The following DDC variants were observed in gnomAD, a reference collection of about 807,000 sequenced individuals.
DDC encodes the protein aromatic-L-amino-acid decarboxylase.
A neutral mutation model predicts 60.0 loss-of-function variants in DDC; 43 were observed. The ratio of observed to expected loss-of-function variants is 0.72; its 90% CI spans 0.56 to 0.92. The LOEUF (loss-of-function observed/expected upper bound fraction) is 0.92. DDC is among the 40% of genes least tolerant of loss of function. DDC has a pLI of 0.00. For missense variants in DDC, 573 were observed against 620.2 expected (o/e 0.92, Z 0.81); for synonymous variants, 232 against 234.6 (o/e 0.99, Z 0.10).
intron 9 of DDC, among the ~76,000 whole-genome samples, chr7:50,488,189 TA>T (rs1414485726): frequency 6.6e-6 from 1 of 151,902 alleles, no homozygotes; most frequent in Non-Finnish European, 1.5e-5. Flanking sequence ...AAATGCTTGT[TA>T]AAAAACGACA....
intron 1 of DDC, among the ~76,000 whole-genome samples, chr7:50,564,835 T>C (rs995174104): frequency 2.0e-5 from 3 of 152,136 alleles, no homozygotes; most frequent in African/African-American, 4.8e-5. Flanking sequence ...TCAGATGTTA[T>C]AAAGGGAAGG....
At position 50,513,491 on chromosome 7, in the gene DDC, G is replaced by T. The variant is rs1431970628; in HGVS notation, c.715-9432C>A. 3.3e-5 allele frequency among the ~76,000 whole-genome samples: 5 copies of T among 152,306 alleles called. No homozygotes were observed. In the East Asian group the frequency reaches 9.7e-4, roughly 29 times the overall value. On this transcript the variant is annotated intron_variant, in intron 6 of 14. Coordinates refer to ENST00000444124, the MANE Select transcript of DDC (RefSeq NM_001082971.2). ...AGAAGCCTCCTGGCCAGAACTCGGG[G>T]ACGGTGCAAATCCGGTGTGCAGGCT...
chr7:50,525,975 T>C (rs1397087154), intron 6 of DDC, among the ~76,000 whole-genome samples: 3 of 150,874 alleles, frequency 2.0e-5, no homozygotes, highest in Non-Finnish European at 2.9e-5. Context: ...AACATATACA[T>C]AATCAGAGTC....
In DDC at chr7:50,499,127, G is replaced by A. The variant is rs2043189241; in HGVS notation, c.876+21C>T. ...AGAGCACTGTGAAAACAGCCTTAGG[G>A]AGAGCGAAGGGTGCACCTACCTCCA... On this transcript the variant is annotated intron_variant, in intron 8 of 14. Coordinates refer to ENST00000444124, the MANE Select transcript of DDC (RefSeq NM_001082971.2). 8 of 1,583,868 alleles carry A rather than the reference G, an allele frequency of 5.1e-6. No individual in the cohort carries two copies. The East Asian group carries it at 1.6e-4, about 31-fold the overall frequency.
intron 9 of DDC, among the ~76,000 whole-genome samples, chr7:50,482,036 C>G (rs1345224559): frequency 6.6e-6 from 1 of 152,142 alleles, no homozygotes; most frequent in African/African-American, 2.4e-5. Context: ...TGGGACCATC[C>G]CTGTGCATAC....
chr7:50,460,042 G>C (rs567693547), intron 14 of DDC, among the ~76,000 whole-genome samples: 3 of 138,794 alleles, frequency 2.2e-5, no homozygotes, highest in Non-Finnish European at 3.1e-5. Context: ...CAGCTGCCCC[G>C]TCCGGGAAGG....
At chr7:50,557,664 G>T (rs1421137931) in intron 1 of DDC, among the ~76,000 whole-genome samples, 2 of 152,156 alleles carry the variant, frequency 1.3e-5, no homozygotes, top group East Asian at 3.8e-4. Flanking sequence ...TCCCCACTTT[G>T]CCTGTTAGCT....
At chr7:50,546,421 A>G (rs1477289304) in intron 1 of DDC, among the ~76,000 whole-genome samples, 1 of 152,174 alleles carries the variant, frequency 6.6e-6, no homozygotes, top group Non-Finnish European at 1.5e-5. Flanking sequence ...ACTAAGAGGA[A>G]CTTGGGTAAG....
intron 9 of DDC, among the ~76,000 whole-genome samples, chr7:50,483,308 T>C (rs62445905): frequency 0.074 from 11,276 of 152,308 alleles, 451 homozygotes; most frequent in Middle Eastern, 0.099. Flanking sequence ...ACTTTAAAAA[T>C]CTTCTACTAT....
chr7:50,529,088 G>T, intron 5 of DDC, 120 bp downstream of exon 5: 1 of 1,327,368 alleles, frequency 7.5e-7, no homozygotes, highest in Non-Finnish European at 1.1e-6. Flanking sequence ...TCTCTATTTA[G>T]TGATACCTGA....
chr7:50,503,449 G>T (rs2043306654), intron 7 of DDC, among the ~76,000 whole-genome samples: 3 of 152,236 alleles, frequency 2.0e-5, no homozygotes, highest in Admixed American at 2.0e-4. Flanking sequence ...CTCTGAATGA[G>T]GAAGGGAGGA....
intron 7 of DDC, among the ~76,000 whole-genome samples, chr7:50,503,280 C>T (rs928852159): frequency 2.0e-5 from 3 of 152,240 alleles, no homozygotes; most frequent in African/African-American, 7.2e-5. Context: ...GAGCCAGTGT[C>T]CCTGCCCTAC....
chr7:50,563,066 C>T (rs1563058619), intron 1 of DDC, among the ~76,000 whole-genome samples: 1 of 151,116 alleles, frequency 6.6e-6, no homozygotes, highest in Non-Finnish European at 1.5e-5. Flanking sequence ...ACTCAGGAGG[C>T]TGAGGCAGGA....
rs139017268 is a variant in DDC, at chr7:50,493,214, G to A, written c.944+2136C>T. Among the ~76,000 whole-genome samples, 290 of 152,282 alleles carry A rather than the reference G, an allele frequency of 1.9e-3. 1 individual carries two copies. The highest frequency in any genetic ancestry group is 6.7e-3 in the African/African-American group (279 of 41,566). ...AGGTTAGGGACTTAGAAGGGAGCCT[G>A]GATGTACCTATCCGCAGTCACTAAA... On this transcript the variant is annotated intron_variant, in intron 9 of 14. Coordinates refer to ENST00000444124, the MANE Select transcript of DDC (RefSeq NM_001082971.2).
At chr7:50,559,177 G>A (rs1470890129) in intron 1 of DDC, among the ~76,000 whole-genome samples, 7 of 152,202 alleles carry the variant, frequency 4.6e-5, no homozygotes, top group Admixed American at 4.6e-4. Context: ...AAGAGGCTGA[G>A]GGAAGCATGC....
chr7:50,560,590 T>A (rs1045120736), intron 1 of DDC, among the ~76,000 whole-genome samples: 4 of 152,142 alleles, frequency 2.6e-5, no homozygotes, highest in Non-Finnish European at 4.4e-5. Flanking sequence ...CCTGAGTCTG[T>A]GGGGCTGCAT....
intron 9 of DDC, among the ~76,000 whole-genome samples, chr7:50,480,451 T>C (rs2042742496): frequency 6.6e-6 from 1 of 152,228 alleles, no homozygotes; most frequent in Non-Finnish European, 1.5e-5. Context: ...TGAGTTGTTC[T>C]AGTAAGTTAC....
chr7:50,513,951 G>T, intron 6 of DDC, among the ~76,000 whole-genome samples: 1 of 151,982 alleles, frequency 6.6e-6, no homozygotes. Flanking sequence ...CCCACCACTG[G>T]GCCCTCTCCA....
chr7:50,473,160 A>G (rs770617958), intron 11 of DDC, among the ~76,000 whole-genome samples: 7 of 152,242 alleles, frequency 4.6e-5, no homozygotes, highest in Non-Finnish European at 8.8e-5. Flanking sequence ...AAATACGGCC[A>G]GGGACATCCC....
Sources: gnomAD v4.1 joint callset for allele counts (sites outside exome capture counted in the v4.1 genomes callset) on GRCh38, gnomAD v4.1.1 for gene constraint, MANE v1.5 for transcripts, NCBI Gene and HGNC (gene_info 2026-07-23, HGNC 2026-07-21) for gene names.